NEGR1: variants seen among roughly 807,000 people sequenced by gnomAD.
NEGR1 encodes the protein neuronal growth regulator 1.
Under a neutral mutation model 40.9 loss-of-function variants are expected in NEGR1, and 10 were observed. That is an observed-to-expected ratio of 0.24 (90% CI 0.15 to 0.42). The LOEUF is 0.42. Among genes scored for constraint, NEGR1 ranks in the 10% least tolerant of loss-of-function variants. The pLI is 1.00. For missense variants in NEGR1, 352 were observed against 438.9 expected (o/e 0.80, Z 1.77); for synonymous variants, 185 against 166.8 (o/e 1.11, Z -0.84).
At chr1:71,653,803 A>G (rs1651791992) in intron 4 of NEGR1, among the ~76,000 whole-genome samples, 3 of 151,700 alleles carry the variant, frequency 2.0e-5, no homozygotes, top group Admixed American at 2.0e-4. Flanking sequence ...ATATATTAAT[A>G]TTTTTCATTT....
At chr1:72,197,901 C>T (rs1211282110) in intron 1 of NEGR1, among the ~76,000 whole-genome samples, 4 of 151,976 alleles carry the variant, frequency 2.6e-5, no homozygotes, top group Non-Finnish European at 5.9e-5. Context: ...TTCGGATGAA[C>T]CCAATTAAAT....
At chr1:71,582,172 G>T (rs1360800) in intron 6 of NEGR1, among the ~76,000 whole-genome samples, 2,492 of 152,124 alleles carry the variant, frequency 0.016, 68 homozygotes, top group African/African-American at 0.058. Context: ...CATGGAGATG[G>T]TATGGTTATG....
intron 6 of NEGR1, among the ~76,000 whole-genome samples, chr1:71,497,398 T>C (rs1449506995): frequency 1.3e-5 from 2 of 152,170 alleles, no homozygotes; most frequent in Non-Finnish European, 2.9e-5. Context: ...AAAATGTGTA[T>C]TTCTCTTTTA....
At chr1:71,857,861 A>C (rs924459778) in intron 2 of NEGR1, among the ~76,000 whole-genome samples, 3 of 152,002 alleles carry the variant, frequency 2.0e-5, no homozygotes, top group Admixed American at 2.0e-4. Context: ...ATTTCTAGAG[A>C]ATCTAACTGA....
At chr1:71,619,883 C>T (rs575249787) in intron 4 of NEGR1, among the ~76,000 whole-genome samples, 41 of 152,196 alleles carry the variant, frequency 2.7e-4, no homozygotes, top group South Asian at 2.3e-3. Context: ...CAAGCCTAAT[C>T]AAGATTCATT....
At chr1:71,910,194 T>G (rs1661387109) in intron 2 of NEGR1, among the ~76,000 whole-genome samples, 1 of 152,180 alleles carries the variant, frequency 6.6e-6, no homozygotes, top group Non-Finnish European at 1.5e-5. Flanking sequence ...GAACACATGC[T>G]AGATGTTGGC....
chr1:71,703,775 A>G (rs1228800613), intron 3 of NEGR1, among the ~76,000 whole-genome samples: 3 of 151,950 alleles, frequency 2.0e-5, no homozygotes, highest in Non-Finnish European at 4.4e-5. Flanking sequence ...ACAAAAAACC[A>G]AACAAGCAAA....
Position 72,192,448 on chromosome 1 carries a change from T to A in NEGR1, c.176+89871A>T, listed in dbSNP as rs1229454749. Among the ~76,000 whole-genome samples the A allele has an allele frequency of 3.1e-4, 47 of 151,846 alleles. No homozygotes were observed. In the Admixed American group the frequency reaches 3.1e-3, roughly 10 times the overall value. ...TGTATAATATACTCTAGGAACAACA[T>A]CAGAAAATATGGATTTTTTCTTAAA... On this transcript the variant is annotated intron_variant, in intron 1 of 6. Transcript: ENST00000357731.
At chr1:71,464,996 G>T (rs1326347548) in intron 6 of NEGR1, among the ~76,000 whole-genome samples, 1 of 152,226 alleles carries the variant, frequency 6.6e-6, no homozygotes. Flanking sequence ...TCCAGGTAGA[G>T]AATAGCATTG....
At chr1:72,266,822 T>C (rs1655662218) in intron 1 of NEGR1, among the ~76,000 whole-genome samples, 1 of 148,748 alleles carries the variant, frequency 6.7e-6, no homozygotes, top group African/African-American at 2.5e-5. Context: ...AAATAGAACT[T>C]GAAAATTATT....
intron 1 of NEGR1, among the ~76,000 whole-genome samples, chr1:72,143,630 T>C (rs966548119): frequency 4.0e-5 from 6 of 151,298 alleles, no homozygotes; most frequent in African/African-American, 9.7e-5. Context: ...TTTTTTGCAG[T>C]TGGTGCATCT....
intron 1 of NEGR1, among the ~76,000 whole-genome samples, chr1:72,156,471 C>T (rs115385629): frequency 0.013 from 1,970 of 152,254 alleles, 43 homozygotes; most frequent in African/African-American, 0.045. Context: ...ATGAACTTCA[C>T]TGTTAAGCAA....
chr1:72,006,697 C>T (rs1646609834), intron 1 of NEGR1, among the ~76,000 whole-genome samples: 1 of 150,968 alleles, frequency 6.6e-6, no homozygotes, highest in South Asian at 2.1e-4. Flanking sequence ...AGAATACCAG[C>T]AAACTAAATA....
chr1:71,864,953 T>C (rs1262562091), intron 2 of NEGR1, among the ~76,000 whole-genome samples: 1 of 152,142 alleles, frequency 6.6e-6, no homozygotes, highest in South Asian at 2.1e-4. Flanking sequence ...AGAAAGGGAA[T>C]GTATAGGCTA....
intron 2 of NEGR1, among the ~76,000 whole-genome samples, chr1:71,929,361 T>C (rs1645832982): frequency 6.6e-6 from 1 of 152,174 alleles, no homozygotes; most frequent in Non-Finnish European, 1.5e-5. Flanking sequence ...TTATTTCATA[T>C]GGTTTATTAT....
chr1:71,713,507 T>C (rs1401663258), intron 3 of NEGR1, among the ~76,000 whole-genome samples: 3 of 152,218 alleles, frequency 2.0e-5, no homozygotes, highest in Non-Finnish European at 4.4e-5. Context: ...TAGATCAGGA[T>C]ATCATAAATA....
chr1:71,822,676 T>C (rs1304097881), intron 2 of NEGR1, among the ~76,000 whole-genome samples: 1 of 151,978 alleles, frequency 6.6e-6, no homozygotes, highest in Non-Finnish European at 1.5e-5. Context: ...TGGTTTATTC[T>C]CACTGGAATA....
chr1:72,124,200 TTCAGCTCTCCTA>T (rs1649918448), intron 1 of NEGR1, among the ~76,000 whole-genome samples: 1 of 151,990 alleles, frequency 6.6e-6, no homozygotes, highest in East Asian at 1.9e-4. Flanking sequence ...CAAGGAGGTT[TTCAGCTCTCCTA>T]TCATCTCCAT....
At chr1:72,080,404 C>T (rs965243926) in intron 1 of NEGR1, among the ~76,000 whole-genome samples, 3 of 151,764 alleles carry the variant, frequency 2.0e-5, no homozygotes, top group African/African-American at 7.3e-5. Flanking sequence ...TGTTCTTGGA[C>T]AACATACAAG....
Sources: allele counts gnomAD v4.1 joint callset (sites outside exome capture counted in the v4.1 genomes callset), GRCh38; gene constraint gnomAD v4.1.1; transcripts MANE v1.5; gene names NCBI Gene and HGNC (gene_info 2026-07-23, HGNC 2026-07-21).